CWC15: variants seen among roughly 807,000 people sequenced by gnomAD.
The protein encoded by CWC15 is CWC15 spliceosome associated protein, also known as spliceosome-associated protein CWC15 homolog.
CWC15 carries 12 observed loss-of-function variants against 28.4 expected under a neutral mutation model. The observed-to-expected ratio is 0.42, with a 90% confidence interval of 0.27 to 0.69. The LOEUF is 0.69. Ranked by LOEUF, CWC15 falls within the 30% of genes least tolerant of loss-of-function variation. CWC15 has a pLI of 0.23. For missense variants in CWC15, 192 were observed against 271.5 expected, an observed-to-expected ratio of 0.71 and a Z score of 2.06; for synonymous variants, 92 against 88.4, an observed-to-expected ratio of 1.04 and a Z score of -0.23.
chr11:94,972,037 AAAAG>A lies in CWC15; in HGVS notation c.131+14_131+17del. 2 of 1,604,454 alleles carry A rather than the reference AAAAG, an allele frequency of 1.2e-6. No homozygotes were observed. Among genetic ancestry groups the A allele is most frequent in the Non-Finnish European group, 1.7e-6 (2 of 1,175,852 alleles). On this transcript the variant is annotated intron_variant, in intron 2 of 6. Coordinates refer to ENST00000279839, the MANE Select transcript of CWC15 (RefSeq NM_016403.4). ...CTGGTCTTGTTTTGTGAACAATAAA[AAAAG>A]AAAGTCTTACTACCTGTATTTTATC...
chr11:94,964,137 C>T (rs1485078344), intron 6 of CWC15, among the ~76,000 whole-genome samples: 12 of 151,758 alleles, frequency 7.9e-5, no homozygotes, highest in Non-Finnish European at 1.6e-4. Flanking sequence ...AAAAAAAACA[C>T]CCATAAATAA....
chr11:94,970,420 G>C (rs1377298869), intron 4 of CWC15: 1 of 197,028 alleles, frequency 5.1e-6, no homozygotes, highest in African/African-American at 2.3e-5. Context: ...ATGCCACTCA[G>C]GTTTTTCACT....
intron 1 of CWC15, chr11:94,973,152 C>T (rs1159065850): frequency 6.6e-6 from 1 of 152,360 alleles, no homozygotes; most frequent in Admixed American, 6.5e-5. Context: ...CCCCTTCCCA[C>T]ACACCCACGG....
chr11:94,970,124 T>C (rs1455862836), intron 4 of CWC15, 28 bp from the exon 5 acceptor site: 3 of 1,228,854 alleles, frequency 2.4e-6, no homozygotes, highest in Non-Finnish European at 3.5e-6. Context: ...GCCCAGAAGA[T>C]TGGAGGGAAA....
intron 3 of CWC15, 100 bp from the exon 4 acceptor site, chr11:94,971,165 T>C (rs954879633): frequency 1.7e-5 from 19 of 1,140,152 alleles, no homozygotes; most frequent in Non-Finnish European, 2.3e-5. Flanking sequence ...ATTAAAAGCA[T>C]TATCCACAGT....
At chr11:94,971,338 AAT>A in intron 3 of CWC15, 35 bp downstream of exon 3, 1 of 1,499,924 alleles carries the variant, frequency 6.7e-7, no homozygotes, top group Non-Finnish European at 9.2e-7. Flanking sequence ...TCAACAACAT[AAT>A]TTTATGAGAC....
intron 1 of CWC15, among the ~76,000 whole-genome samples, chr11:94,972,549 C>T (rs587719086): frequency 2.0e-4 from 31 of 152,234 alleles, no homozygotes; most frequent in South Asian, 8.3e-4. Context: ...CATGTCAAAA[C>T]CCTAGTAAAA....
intron 1 of CWC15, among the ~76,000 whole-genome samples, chr11:94,973,047 T>G (rs373562901): frequency 0.019 from 1,962 of 102,706 alleles, 16 homozygotes; most frequent in African/African-American, 0.051. Context: ...GAGGATTTTT[T>G]GGGGGGGGGG....
Position 94,966,216 on chromosome 11 carries a change from CATACACAT to C in CWC15, c.560+71_560+78del, listed in dbSNP as rs1380556050. The C allele has an allele frequency of 4.3e-5, 36 of 833,178 alleles. No homozygotes were observed. The African/African-American group carries it at 6.7e-4, about 15-fold the overall frequency. The allele number at this position is 833,178 out of a possible 1,614,324, so 51.6% of individuals were successfully genotyped here. ...TAATCTGCATGCCTGTGTGTATACA[CATACACAT>C]ATACACACACACACACACACACACA... is the stretch of plus-strand genomic sequence containing the variant. On this transcript the variant is annotated intron_variant, in intron 6 of 6. Transcript: ENST00000279839.
At chr11:94,970,247 G>C (rs923400366) in intron 4 of CWC15, 151 bp from the exon 5 acceptor site, 1 of 411,992 alleles carries the variant, frequency 2.4e-6, no homozygotes, top group East Asian at 3.6e-5. Context: ...ACTCAAAAGT[G>C]CAAAAAAGTG....
At chr11:94,966,267 ACT>A in intron 6 of CWC15, 26 bp downstream of exon 6, 2 of 1,060,542 alleles carry the variant, frequency 1.9e-6, no homozygotes, top group Non-Finnish European at 2.8e-6. Flanking sequence ...ACACACACAC[ACT>A]CCATTACTCC....
At chr11:94,971,853 T>C (rs1857726329) in intron 2 of CWC15, among the ~76,000 whole-genome samples, 1 of 152,238 alleles carries the variant, frequency 6.6e-6, no homozygotes, top group South Asian at 2.1e-4. Flanking sequence ...TTTATTGTTC[T>C]ATCTACATAT....
chr11:94,972,764 G>A (rs2134104856), intron 1 of CWC15, among the ~76,000 whole-genome samples: 1 of 152,052 alleles, frequency 6.6e-6, no homozygotes, highest in East Asian at 1.9e-4. Context: ...CAGTTACACA[G>A]AAAAAAATTC....
rs12794307 is a variant in CWC15 at position 94,965,926 on chromosome 11, T to C, written c.560+369A>G. ...CTATACACCAAGTCCCCTGAGTTCT[T>C]CTAGTGAGTGTCTGAATGTGAGAGG... On this transcript the variant is annotated intron_variant, in intron 6 of 6. Coordinates refer to ENST00000279839, the MANE Select transcript of CWC15 (RefSeq NM_016403.4). 3.5e-3 allele frequency among the ~76,000 whole-genome samples: 527 copies of C among 152,302 alleles called. 2 individuals carry two copies. Among genetic ancestry groups the C allele is most frequent in the Middle Eastern group, 0.01 (3 of 294 alleles).
In CWC15 at chr11:94,972,084, G is replaced by A. The variant is rs1857730206; in HGVS notation, c.102C>T (p.Asp34=). 1 of 1,613,498 alleles carries A rather than the reference G, an allele frequency of 6.2e-7. No individual in the cohort carries two copies. Among genetic ancestry groups the A allele is most frequent in the Non-Finnish European group, 8.5e-7 (1 of 1,179,688 alleles). The part of the protein sequence containing the change: ...SQLSKQYSSR[D]LPSHTKIKYR... ...ATTTTATCTTTGTATGAGAGGGTAG[G>A]TCTCTGCTTGAATACTGCTTTGAAA... Residue 34 remains aspartate (D), a synonymous_variant, in exon 2 of 7, where the codon GAC becomes GAT. Coordinates refer to ENST00000279839, the MANE Select transcript of CWC15 (RefSeq NM_016403.4).
At chr11:94,973,161 G>A (rs1857753200) in intron 1 of CWC15, 1 of 152,378 alleles carries the variant, frequency 6.6e-6, no homozygotes, top group African/African-American at 2.4e-5. Context: ...ACACACCCAC[G>A]GAATTATCAC....
At chr11:94,965,264 G>C (rs1857622715) in intron 6 of CWC15, among the ~76,000 whole-genome samples, 1 of 152,182 alleles carries the variant, frequency 6.6e-6, no homozygotes, top group Non-Finnish European at 1.5e-5. Flanking sequence ...TAACGAATAT[G>C]GTTTAAAAAT....
At chr11:94,965,893 C>T (rs1555095158) in intron 6 of CWC15, among the ~76,000 whole-genome samples, 1 of 152,098 alleles carries the variant, frequency 6.6e-6, no homozygotes, top group Non-Finnish European at 1.5e-5. Context: ...CTTAGCCAAG[C>T]ATATTAACTA....
Position 94,969,997 on chromosome 11 carries a change from C to T in CWC15, c.433G>A (p.Ala145Thr). ...TAATACTTTGGTTTTACCTTCCTGG[C>T]CTGCTCTTCAGCTCTTTCTTTTTTA... ...KIKKERAEEQARKEQEQKAEE... is the reference protein window; with the variant it reads ...KIKKERAEEQTRKEQEQKAEE... Residue 145 changes from alanine to threonine, a missense_variant, in exon 5 of 7, where the codon GCC becomes ACC. By Grantham distance (58) the Ala-to-Thr change is moderately conservative (BLOSUM62 0). Coordinates refer to ENST00000279839, the MANE Select transcript of CWC15 (RefSeq NM_016403.4). 6.5e-7 allele frequency: 1 copy of T among 1,549,824 alleles called. No individual in the cohort carries two copies. The highest frequency in any genetic ancestry group is 8.7e-7 in the Non-Finnish European group (1 of 1,147,012).
Sources: gnomAD v4.1 joint callset for allele counts (sites outside exome capture counted in the v4.1 genomes callset) on GRCh38, gnomAD v4.1.1 for gene constraint, MANE v1.5 for transcripts, NCBI Gene and HGNC (gene_info 2026-07-23, HGNC 2026-07-21) for gene names.